DST: variants seen among roughly 807,000 people sequenced by gnomAD.
The protein encoded by DST is dystonin, also known as bullous pemphigoid antigen.
In DST, 253 loss-of-function variants were observed where a neutral mutation model predicts 875.2. That is an observed-to-expected ratio of 0.29 (90% CI 0.26 to 0.32). The LOEUF (loss-of-function observed/expected upper bound fraction) is 0.32, where lower values mean the gene tolerates loss of function less well. DST is among the 10% of genes least tolerant of loss of function. The pLI is 1.00. For synonymous variants in DST, 3,124 were observed against 3,197.1 expected (o/e 0.98, Z 0.77); for missense variants, 8,287 against 9,111.6 (o/e 0.91, Z 3.68).
chr6:56,565,928 C>A (rs980999558), intron 55 of DST, among the ~76,000 whole-genome samples: 1 of 152,350 alleles, frequency 6.6e-6, no homozygotes, highest in Admixed American at 6.5e-5. Flanking sequence ...AGTCTGGCTA[C>A]AGCAGCTTTA....
intron 2 of DST, among the ~76,000 whole-genome samples, chr6:56,944,386 G>A (rs896057273): frequency 6.6e-6 from 1 of 151,906 alleles, no homozygotes; most frequent in Non-Finnish European, 1.5e-5. Context: ...TTACTACGAG[G>A]CGGGAGTCAT....
At position 56,501,630 on chromosome 6, in the gene DST, G is replaced by T. The variant is rs1314348115; in HGVS notation, c.19630C>A (p.Leu6544Ile). Residue 6544 changes from leucine (L) to isoleucine (I), a missense_variant, in exon 79 of 104, where the codon CTT becomes ATT. By Grantham distance (5) the Leu-to-Ile change is conservative. This residue lies in a region of DST where 1,292 missense variants were observed against 1,552.7 expected (regional missense o/e 0.83). Coordinates refer to ENST00000680361, the MANE Select transcript of DST (RefSeq NM_001374736.1). ...EMERLNHQAE[L>I]LLKKVTEESD... is the part of the protein sequence containing the mutation. ...TCTTCTGTTACTTTCTTTAGCAAAAGCTCTGCTTGATGATTCAGTCTTTCC... is the reference window on the plus strand; with the variant it reads ...TCTTCTGTTACTTTCTTTAGCAAAATCTCTGCTTGATGATTCAGTCTTTCC... The T allele has an allele frequency of 1.2e-6, 2 of 1,609,062 alleles. No homozygotes were observed. Among genetic ancestry groups the T allele is most frequent in the East Asian group, 2.2e-5 (1 of 44,450 alleles).
chr6:56,934,350 G>T (rs1319751339), intron 2 of DST, among the ~76,000 whole-genome samples: 1 of 151,500 alleles, frequency 6.6e-6, no homozygotes, highest in Non-Finnish European at 1.5e-5. Flanking sequence ...CTCAAAAAAT[G>T]GCAACTGTTG....
chr6:56,881,695 C>A, intron 3 of DST, among the ~76,000 whole-genome samples: 1 of 152,184 alleles, frequency 6.6e-6, no homozygotes, highest in Middle Eastern at 3.4e-3. Context: ...CCATATTCAG[C>A]CTTTTACTCC....
intron 53 of DST, among the ~76,000 whole-genome samples, chr6:56,571,345 G>A (rs1479014693): frequency 1.3e-5 from 2 of 152,142 alleles, no homozygotes; most frequent in Admixed American, 1.3e-4. Flanking sequence ...TTTCTTCTAC[G>A]CAATGTGAAT....
chr6:56,741,387 T>C (rs1322040751), intron 4 of DST, among the ~76,000 whole-genome samples: 3 of 152,166 alleles, frequency 2.0e-5, no homozygotes, highest in Non-Finnish European at 4.4e-5. Flanking sequence ...TACTGTTTTC[T>C]AACAGGAACA....
intron 5 of DST, among the ~76,000 whole-genome samples, chr6:56,721,051 G>C (rs2099413528): frequency 2.0e-5 from 3 of 150,186 alleles, no homozygotes; most frequent in African/African-American, 7.4e-5. Flanking sequence ...CAGGGCAGCT[G>C]CCGGGCAGGG....
At chr6:56,532,276 C>T (rs2096909098) in intron 64 of DST, 68 bp downstream of exon 64, 1 of 1,422,338 alleles carries the variant, frequency 7.0e-7, no homozygotes. Flanking sequence ...TAACAAAATA[C>T]AAAATGTCAG....
intron 61 of DST, 86 bp from the exon 62 acceptor site, chr6:56,537,026 TGTG>T: frequency 8.2e-7 from 1 of 1,212,550 alleles, no homozygotes. Flanking sequence ...GGCATCAGGT[TGTG>T]GAAACCATCA....
At chr6:56,918,953 G>A (rs932750140) in intron 2 of DST, among the ~76,000 whole-genome samples, 2 of 152,098 alleles carry the variant, frequency 1.3e-5, no homozygotes, top group African/African-American at 2.4e-5. Flanking sequence ...TTTTTTCTCT[G>A]AATTGTCTGA....
In DST at chr6:56,753,021, C is replaced by G. The variant is rs536279374; in HGVS notation, c.626-17732G>C. ...GGTCAGGCTGGTCTCGAACTCCTGA[C>G]CTCAGGTGGTCCACCCGCCTCGGCC... On this transcript the variant is annotated intron_variant, in intron 4 of 103. Transcript: ENST00000680361. 2.0e-5 allele frequency among the ~76,000 whole-genome samples: 3 copies of G among 152,214 alleles called. No individual in the cohort carries two copies. In the East Asian group the frequency reaches 5.8e-4, roughly 29 times the overall value.
rs538767601 is a variant in DST, at chr6:56,601,641, C to T, written c.11343G>A (p.Gln3781=). The T allele has an allele frequency of 1.3e-5, 21 of 1,590,846 alleles. No homozygotes were observed. Among genetic ancestry groups the T allele is most frequent in the Non-Finnish European group, 1.8e-5 (21 of 1,167,656 alleles). The part of the protein sequence containing the change: ...VLKDLGHTKM[Q]LETTAFDVQF... ...GCACATCAAAGGCAGTAGTCTCCAG[C>T]TGCATTTTGGTATGTCCAAGGTCTT... Residue 3781 remains glutamine, a synonymous_variant, in exon 44 of 104, where the codon CAG becomes CAA. Transcript: ENST00000680361.
chr6:56,851,971 C>T lies in DST; in HGVS notation c.418-367G>A, dbSNP rs965255012. On this transcript the variant is annotated intron_variant, in intron 3 of 103. Transcript: ENST00000680361. ...AAACCTATAGTATTTGGCTCCCCCA[C>T]CAGGACAGTAGAAATATTTTCCATT... 48 of 1,466,342 alleles carry T rather than the reference C, an allele frequency of 3.3e-5. 1 individual carries two copies. The East Asian group carries it at 9.7e-4, about 29-fold the overall frequency. The allele number at this position is 1,466,342 out of a possible 1,614,324, so 90.8% of individuals were successfully genotyped here.
At chr6:56,576,911 C>T (rs1030328909) in intron 50 of DST, among the ~76,000 whole-genome samples, 3 of 152,094 alleles carry the variant, frequency 2.0e-5, no homozygotes, top group African/African-American at 7.2e-5. Flanking sequence ...GCTACCCAGC[C>T]GATGCTATTT....
At chr6:56,699,618 A>C (rs2099284068) in intron 9 of DST, 35 bp downstream of exon 9, 2 of 1,037,862 alleles carry the variant, frequency 1.9e-6, no homozygotes, top group Non-Finnish European at 2.9e-6. Flanking sequence ...GAAAACTAGC[A>C]ATTAGATGCT....
rs1238810058 is a variant in DST at position 56,487,234 on chromosome 6, C to T, written c.20917G>A (p.Asp6973Asn). The T allele has an allele frequency of 9.4e-6, 15 of 1,601,248 alleles. No individual in the cohort carries two copies. The highest frequency in any genetic ancestry group is 1.3e-5 in the Non-Finnish European group (15 of 1,173,578). The change falls in exon 87 of 104, where the codon GAC becomes AAC. Residue 6973 changes from aspartate (D) to asparagine (N), a missense_variant. By Grantham distance (23) the Asp-to-Asn change is conservative. Coordinates refer to ENST00000680361, the MANE Select transcript of DST (RefSeq NM_001374736.1). ...KSLGAKHSVY[D>N]TTNRTGRSLK... Reference sequence around the variant, plus strand: ...GAACGTCCAGTCCTGTTGGTGGTGTCGTAGACAGAATGCTTGGCTCCGAGT... The same window carrying T: ...GAACGTCCAGTCCTGTTGGTGGTGTTGTAGACAGAATGCTTGGCTCCGAGT...
intron 9 of DST, among the ~76,000 whole-genome samples, chr6:56,694,543 G>A (rs2099251911): frequency 6.6e-6 from 1 of 152,066 alleles, no homozygotes; most frequent in South Asian, 2.1e-4. Context: ...TTGATTTTCA[G>A]TGTATTCAAA....
intron 4 of DST, among the ~76,000 whole-genome samples, chr6:56,820,363 AT>A (rs1240966888): frequency 6.6e-6 from 1 of 152,200 alleles, no homozygotes; most frequent in Non-Finnish European, 1.5e-5. Flanking sequence ...GGACTGTTGA[AT>A]TTTCACAATT....
chr6:56,668,848 T>C (rs2152824772), intron 10 of DST, among the ~76,000 whole-genome samples: 1 of 151,798 alleles, frequency 6.6e-6, no homozygotes, highest in South Asian at 2.1e-4. Flanking sequence ...TTACAGTTTT[T>C]AGACATTGAA....
Sources: allele counts gnomAD v4.1 joint callset (sites outside exome capture counted in the v4.1 genomes callset), GRCh38; gene constraint gnomAD v4.1.1; regional missense constraint gnomAD v4.1.1; transcripts MANE v1.5; gene names NCBI Gene and HGNC (gene_info 2026-07-23, HGNC 2026-07-21).